The following C15orf40 variants were observed in gnomAD, a reference collection of about 807,000 sequenced individuals.
The protein encoded by C15orf40 is UPF0235 protein C15orf40.
A neutral mutation model predicts 13.9 loss-of-function variants in C15orf40; 9 were observed. The ratio of observed to expected loss-of-function variants is 0.65; its 90% CI spans 0.39 to 1.13. The LOEUF is 1.13. Ranked by LOEUF, C15orf40 falls within the 50% of genes most tolerant of loss-of-function variation. The pLI is 0.01. For synonymous variants in C15orf40, 95 were observed against 69.2 expected, an observed-to-expected ratio of 1.37 and a Z score of -1.85; for missense variants, 225 against 188.5, an observed-to-expected ratio of 1.19 and a Z score of -1.13.
At chr15:82,990,748 C>T (rs2030823927), downstream of C15orf40, 7 of 1,098,190 alleles carry the variant, frequency 6.4e-6, no homozygotes, top group Non-Finnish European at 6.7e-6. Flanking sequence ...AACACTAAAG[C>T]TTTTTGCTAA....
downstream of C15orf40, chr15:82,989,004 G>T (rs755981523): frequency 6.3e-7 from 1 of 1,588,764 alleles, no homozygotes; most frequent in East Asian, 2.3e-5. Context: ...CTTTAAAATT[G>T]TACAGATTTT....
At chr15:83,006,473 T>G (rs1016260531) in intron 3 of C15orf40, 5 of 985,042 alleles carry the variant, frequency 5.1e-6, no homozygotes, top group Admixed American at 6.2e-5. Context: ...TAAAAAGGAT[T>G]TGTTGGCCAG....
At chr15:82,989,977 C>A (rs372110976), downstream of C15orf40, 102 of 1,604,386 alleles carry the variant, frequency 6.4e-5, no homozygotes, top group African/African-American at 1.3e-3. Flanking sequence ...CCTGGGGTAA[C>A]AACTACCCGC....
chr15:83,007,496 T>C (rs1184102851), intron 3 of C15orf40, among the ~76,000 whole-genome samples: 1 of 152,228 alleles, frequency 6.6e-6, no homozygotes, highest in Non-Finnish European at 1.5e-5. Flanking sequence ...TTGACAGATT[T>C]ATGCAATTAA....
Position 82,998,152 on chromosome 15 carries a change from G to A in C15orf40, c.*7445C>T, listed in dbSNP as rs1321921173. 3.1e-4 allele frequency: 40 copies of A among 128,596 alleles called. No homozygotes were observed. Among genetic ancestry groups the A allele is most frequent in the East Asian group, 2.3e-3 (9 of 3,900 alleles). 8.0% of individuals were successfully genotyped at this position (128,596 alleles called of 1,614,324 possible). A position where few individuals can be genotyped will look rare whatever the true frequency, so the allele number is the denominator to read the frequency against. Reference sequence around the variant, plus strand: ...GCGCCCCTCACCTCCCGGACGGGGCGGCTGGCCGGGCGGGGGGCTGACCCC... The same window carrying A: ...GCGCCCCTCACCTCCCGGACGGGGCAGCTGGCCGGGCGGGGGGCTGACCCC... On this transcript the variant is annotated 3_prime_UTR_variant, in exon 4 of 4. Coordinates refer to ENST00000304177, the MANE Select transcript of C15orf40 (RefSeq NM_144597.3).
rs1442934513 is a variant in C15orf40 at position 83,000,344 on chromosome 15, G to A, written c.*5253C>T. On this transcript the variant is annotated 3_prime_UTR_variant, in exon 4 of 4. Coordinates refer to ENST00000304177, the MANE Select transcript of C15orf40 (RefSeq NM_144597.3). ...GGATTTCTGAAACCTGCAGAGTTAA[G>A]GAAGGAACTCAAGACCATGCTGACT... 1.3e-5 allele frequency: 2 copies of A among 152,232 alleles called. No individual in the cohort carries two copies. Among genetic ancestry groups the A allele is most frequent in the Non-Finnish European group, 2.9e-5 (2 of 68,040 alleles). 9.4% of individuals were successfully genotyped at this position (152,232 alleles called of 1,614,324 possible).
chr15:83,006,348 A>G (rs893251076), intron 3 of C15orf40: 15 of 949,466 alleles, frequency 1.6e-5, no homozygotes, highest in Non-Finnish European at 1.9e-5. Flanking sequence ...TTGTAGTAAA[A>G]TAATTATAAA....
At chr15:83,007,131 T>A (rs894307423) in intron 3 of C15orf40, among the ~76,000 whole-genome samples, 1 of 152,142 alleles carries the variant, frequency 6.6e-6, no homozygotes, top group Non-Finnish European at 1.5e-5. Context: ...GGGATCTGTA[T>A]TTAGAAATCA....
At position 82,997,037 on chromosome 15, in the gene C15orf40, TAA is replaced by T. The variant is rs202164978; in HGVS notation, c.*8558_*8559del. ...TCGTCTCAAATAATAATAATAATAA[TAA>T]TAATTATTATTATTATTTTTAACTG... On this transcript the variant is annotated 3_prime_UTR_variant, in exon 4 of 4. Coordinates refer to ENST00000304177, the MANE Select transcript of C15orf40 (RefSeq NM_144597.3). The T allele has an allele frequency of 0.11, 16,132 of 146,474 alleles. 943 individuals carry two copies. Among genetic ancestry groups the T allele is most frequent in the East Asian group, 0.19 (983 of 5,050 alleles). The allele number at this position is 146,474 out of a possible 1,614,324, so 9.1% of individuals were successfully genotyped here.
downstream of C15orf40, chr15:82,989,789 T>C: frequency 2.1e-6 from 3 of 1,454,234 alleles, no homozygotes; most frequent in Non-Finnish European, 2.8e-6. Context: ...TATTGTGTAT[T>C]AGAATGAGAA....
At chr15:83,010,960 G>A (rs2031974660) in intron 1 of C15orf40, 1 of 155,200 alleles carries the variant, frequency 6.4e-6, no homozygotes, top group African/African-American at 2.4e-5. Context: ...CGATGAGATA[G>A]GCACAGAACA....
intron 3 of C15orf40, chr15:83,006,530 C>T (rs1373881808): frequency 6.4e-6 from 6 of 935,888 alleles, no homozygotes; most frequent in Non-Finnish European, 7.6e-6. Context: ...GAGGCTGAGG[C>T]GGGTGGATCA....
intron 2 of C15orf40, 36 bp downstream of exon 2, chr15:83,010,201 T>C: frequency 6.2e-7 from 1 of 1,613,188 alleles, no homozygotes; most frequent in Non-Finnish European, 8.5e-7. Context: ...AGACACCTGA[T>C]TCACACTTGA....
chr15:82,991,733 G>A (rs539323841), downstream of C15orf40, among the ~76,000 whole-genome samples: 2 of 152,218 alleles, frequency 1.3e-5, no homozygotes, highest in South Asian at 2.1e-4. Flanking sequence ...TAATAAGTCG[G>A]GCAGTCACAC....
In C15orf40 at chr15:82,999,093, G is replaced by A. The variant is rs2031288326; in HGVS notation, c.*6504C>T. The A allele has an allele frequency of 9.0e-6, 1 of 111,244 alleles. No individual in the cohort carries two copies. Among genetic ancestry groups the A allele is most frequent in the East Asian group, 2.7e-4 (1 of 3,650 alleles). 6.9% of individuals were successfully genotyped at this position (111,244 alleles called of 1,614,324 possible). ...GAGAATCAGGCAGGGAGGTTGCAGT[G>A]AGCCGAGATGGCAGCAGTACAGTCC... On this transcript the variant is annotated 3_prime_UTR_variant, in exon 4 of 4. Coordinates refer to ENST00000304177, the MANE Select transcript of C15orf40 (RefSeq NM_144597.3).
At chr15:83,011,158 T>C in intron 1 of C15orf40, 1 of 249,252 alleles carries the variant, frequency 4.0e-6, no homozygotes, top group Non-Finnish European at 7.7e-6. Context: ...TACAGCCTCC[T>C]GGGGAAACGC....
chr15:83,010,090 A>T, intron 2 of C15orf40, 147 bp downstream of exon 2: 1 of 1,108,696 alleles, frequency 9.0e-7, no homozygotes, highest in Non-Finnish European at 1.3e-6. Context: ...TTTACATTAG[A>T]ATCTAGAATT....
chr15:83,001,955 T>C lies in C15orf40; in HGVS notation c.*3642A>G, dbSNP rs1010604490. The C allele has an allele frequency of 3.3e-5, 5 of 152,324 alleles. No homozygotes were observed. Among genetic ancestry groups the C allele is most frequent in the African/African-American group, 1.2e-4 (5 of 41,464 alleles). The allele number at this position is 152,324 out of a possible 1,614,324, so 9.4% of individuals were successfully genotyped here. On this transcript the variant is annotated 3_prime_UTR_variant, in exon 4 of 4. Transcript: ENST00000304177. ...CAGAGCCTTGCTCTGTCACCCAGGC[T>C]GGAGTGCAGTGGTGTGATCCCGGCT... is the stretch of plus-strand genomic sequence containing the variant.
rs750646072 is a variant in C15orf40 at position 83,011,586 on chromosome 15, G to C, written c.22C>G (p.Leu8Val). 39 of 1,592,782 alleles carry C rather than the reference G, an allele frequency of 2.4e-5. 1 individual carries two copies. In the Admixed American group the frequency reaches 6.3e-4, roughly 26 times the overall value. The change falls in exon 1 of 4, where the codon CTG (leucine) becomes GTG (valine). Residue 8 changes from leucine (L) to valine (V), a missense_variant. Physicochemically the swap from Leu to Val is conservative, Grantham distance 32. Transcript: ENST00000304177. MLRLRSG[L>V]RHLRATPNTR... ...TTGGGTGTTGCCCGAAGGTGCCTCA[G>C]CCCGCTGCGGAGCCGCAGCATCCCC...
Sources: gnomAD v4.1 joint callset for allele counts (sites outside exome capture counted in the v4.1 genomes callset) on GRCh38, gnomAD v4.1.1 for gene constraint, MANE v1.5 for transcripts, NCBI Gene and HGNC (gene_info 2026-07-23, HGNC 2026-07-21) for gene names.